The following KCNIP4 variants were observed in gnomAD, a reference collection of about 807,000 sequenced individuals.
KCNIP4 encodes potassium voltage-gated channel interacting protein 4, also known as Kv channel-interacting protein 4.
KCNIP4 carries 12 observed loss-of-function variants against 34.0 expected under a neutral mutation model. That is an observed-to-expected ratio of 0.35 (90% confidence interval 0.23 to 0.57). The LOEUF (loss-of-function observed/expected upper bound fraction) is 0.57, where lower values mean the gene tolerates loss of function less well. KCNIP4 is among the 20% of genes least tolerant of loss of function. The pLI is 0.83. For synonymous variants in KCNIP4, 124 were observed against 102.2 expected, an observed-to-expected ratio of 1.21 and a Z score of -1.29; for missense variants, 238 against 311.7, an observed-to-expected ratio of 0.76 and a Z score of 1.78.
At chr4:20,946,569 A>C (rs1366979477) in intron 1 of KCNIP4, among the ~76,000 whole-genome samples, 2 of 152,152 alleles carry the variant, frequency 1.3e-5, no homozygotes, top group Non-Finnish European at 2.9e-5. Flanking sequence ...AGAAATTGGA[A>C]TCTTGGAATC....
At chr4:21,234,436 C>T (rs1317579394) in intron 1 of KCNIP4, among the ~76,000 whole-genome samples, 2 of 123,472 alleles carry the variant, frequency 1.6e-5, no homozygotes, top group Non-Finnish European at 3.2e-5. Context: ...TTACATATAA[C>T]GTATATAATA....
At chr4:21,754,869 C>T (rs182720510) in intron 1 of KCNIP4, among the ~76,000 whole-genome samples, 11 of 152,168 alleles carry the variant, frequency 7.2e-5, no homozygotes, top group Non-Finnish European at 1.6e-4. Flanking sequence ...GCTTTTGGGC[C>T]GGGCACAGTG....
At chr4:21,058,629 G>T (rs1743632307) in intron 1 of KCNIP4, among the ~76,000 whole-genome samples, 1 of 152,118 alleles carries the variant, frequency 6.6e-6, no homozygotes, top group Non-Finnish European at 1.5e-5. Flanking sequence ...CATTTACTAA[G>T]CCTCCAGTAG....
At chr4:20,796,883 C>T (rs1029029004) in intron 3 of KCNIP4, among the ~76,000 whole-genome samples, 1 of 152,184 alleles carries the variant, frequency 6.6e-6, no homozygotes, top group African/African-American at 2.4e-5. Flanking sequence ...TTCAAAAACA[C>T]AGCACTCAGT....
At chr4:20,787,873 G>T (rs1712212856) in intron 3 of KCNIP4, among the ~76,000 whole-genome samples, 1 of 151,830 alleles carries the variant, frequency 6.6e-6, no homozygotes, top group South Asian at 2.1e-4. Context: ...CTTTATAACT[G>T]TCTGAGTGTC....
chr4:21,900,141 T>TATATAGAAA (rs1727625966), intron 1 of KCNIP4, among the ~76,000 whole-genome samples: 1 of 152,200 alleles, frequency 6.6e-6, no homozygotes, highest in Non-Finnish European at 1.5e-5. Flanking sequence ...TAGAAAAATC[T>TATATAGAAA]CAACATATAT....
chr4:21,914,988 G>C (rs1468545651), intron 1 of KCNIP4, among the ~76,000 whole-genome samples: 1 of 151,928 alleles, frequency 6.6e-6, no homozygotes, highest in Non-Finnish European at 1.5e-5. Flanking sequence ...AAAACAGAAA[G>C]GTACGCATTT....
At chr4:21,933,744 C>T (rs1729702404) in intron 1 of KCNIP4, among the ~76,000 whole-genome samples, 1 of 152,028 alleles carries the variant, frequency 6.6e-6, no homozygotes, top group Non-Finnish European at 1.5e-5. Context: ...TAGTTTGCCT[C>T]TGAGCTGCCT....
chr4:21,429,615 G>A (rs971581469), intron 1 of KCNIP4, among the ~76,000 whole-genome samples: 9 of 152,176 alleles, frequency 5.9e-5, no homozygotes, highest in African/African-American at 2.2e-4. Flanking sequence ...GTGAATGAGA[G>A]TTCCTGTTGC....
intron 1 of KCNIP4, among the ~76,000 whole-genome samples, chr4:21,585,561 T>A (rs773996061): frequency 3.3e-5 from 5 of 152,082 alleles, no homozygotes; most frequent in Non-Finnish European, 7.4e-5. Flanking sequence ...ATCTGAAGCA[T>A]CCTCTCTGCT....
chr4:21,189,068 A>G (rs1026052982), intron 1 of KCNIP4, among the ~76,000 whole-genome samples: 18 of 152,364 alleles, frequency 1.2e-4, no homozygotes, highest in African/African-American at 4.3e-4. Flanking sequence ...AATAAGGAGA[A>G]TAATACTTAT....
At chr4:21,492,786 C>T (rs565859374) in intron 1 of KCNIP4, among the ~76,000 whole-genome samples, 6 of 152,282 alleles carry the variant, frequency 3.9e-5, no homozygotes, top group Admixed American at 6.5e-5. Flanking sequence ...ATTTTAGTAT[C>T]TATGTCACAA....
chr4:20,986,988 G>A (rs999287118), intron 1 of KCNIP4, among the ~76,000 whole-genome samples: 13 of 152,094 alleles, frequency 8.5e-5, no homozygotes, highest in Non-Finnish European at 1.5e-4. Context: ...CCAAGTATGC[G>A]GGGGCTCTTT....
chr4:21,448,841 T>C lies in KCNIP4; in HGVS notation c.61+499730A>G, dbSNP rs965936887. ...CTGGGGAGAACTTCTTGTTTGATGATGTAAATCCTCCTGACATATATAGGA... is the reference window on the plus strand; with the variant it reads ...CTGGGGAGAACTTCTTGTTTGATGACGTAAATCCTCCTGACATATATAGGA... On this transcript the variant is annotated intron_variant, in intron 1 of 8. Coordinates refer to ENST00000382152, the MANE Select transcript of KCNIP4 (RefSeq NM_025221.6). Among the ~76,000 whole-genome samples the C allele has an allele frequency of 5.3e-5, 8 of 152,308 alleles. No individual in the cohort carries two copies. In the East Asian group the frequency reaches 5.8e-4, roughly 11 times the overall value.
chr4:21,146,665 C>T (rs570356592), intron 1 of KCNIP4, among the ~76,000 whole-genome samples: 36 of 152,070 alleles, frequency 2.4e-4, no homozygotes, highest in African/African-American at 8.2e-4. Context: ...TGTTTACACA[C>T]ATCAAGTGTC....
At chr4:21,771,258 T>C (rs1349227281) in intron 1 of KCNIP4, among the ~76,000 whole-genome samples, 1 of 152,164 alleles carries the variant, frequency 6.6e-6, no homozygotes, top group East Asian at 1.9e-4. Flanking sequence ...TGTAGATGTG[T>C]GGTGTTATTT....
intron 1 of KCNIP4, among the ~76,000 whole-genome samples, chr4:20,934,078 T>C (rs973592898): frequency 6.6e-6 from 1 of 152,108 alleles, no homozygotes; most frequent in African/African-American, 2.4e-5. Flanking sequence ...ATATTTCCTA[T>C]ATAAATAGCA....
At chr4:20,790,260 C>T (rs935439646) in intron 3 of KCNIP4, among the ~76,000 whole-genome samples, 4 of 152,090 alleles carry the variant, frequency 2.6e-5, no homozygotes, top group Non-Finnish European at 5.9e-5. Context: ...CTTGCACTTA[C>T]CATGAATGGG....
chr4:21,518,404 T>C (rs987978168), intron 1 of KCNIP4, among the ~76,000 whole-genome samples: 5 of 152,148 alleles, frequency 3.3e-5, no homozygotes, highest in African/African-American at 7.2e-5. Flanking sequence ...GAGGAGACCC[T>C]AACCCTCTAA....
Sources: gnomAD v4.1 joint callset for allele counts (sites outside exome capture counted in the v4.1 genomes callset) on GRCh38, gnomAD v4.1.1 for gene constraint, MANE v1.5 for transcripts, NCBI Gene and HGNC (gene_info 2026-07-23, HGNC 2026-07-21) for gene names.